Variants in TMCC1 observed in about 807,000 individuals in gnomAD.
The protein encoded by TMCC1 is transmembrane and coiled-coil domain family 1.
Under a neutral mutation model 52.4 loss-of-function variants are expected in TMCC1, and 15 were observed. The ratio of observed to expected loss-of-function variants is 0.29; its 90% CI spans 0.19 to 0.44. The LOEUF is 0.44. TMCC1 is among the 20% of genes least tolerant of loss of function. The pLI is 1.00. For missense variants in TMCC1, 503 were observed against 806.0 expected (o/e 0.62, Z 4.55); for synonymous variants, 279 against 301.9 (o/e 0.92, Z 0.79).
chr3:129,812,542 T>G (rs2057878871), intron 4 of TMCC1, among the ~76,000 whole-genome samples: 1 of 151,994 alleles, frequency 6.6e-6, no homozygotes, highest in South Asian at 2.1e-4. Flanking sequence ...GAAGAAGCTA[T>G]AAATTTATTG....
intron 4 of TMCC1, among the ~76,000 whole-genome samples, chr3:129,796,804 T>G (rs2056858778): frequency 6.6e-6 from 1 of 152,194 alleles, no homozygotes; most frequent in South Asian, 2.1e-4. Context: ...TGCTCCAGTC[T>G]GCGCAACAGA....
In TMCC1 at chr3:129,671,106, T is replaced by G. The variant is rs751389847; in HGVS notation, c.735A>C (p.Thr245=). The change falls in exon 5 of 7, where the codon ACA becomes ACC. Residue 245 remains threonine, a synonymous_variant. Transcript: ENST00000393238. ...AHLQQKILKL[T]EQIKIAQTAR... ...CTGTTTGTGCAATCTTGATTTGTTC[T>G]GTGAGCTTCAGGATCTTCTGCTGCA... 1 of 1,614,216 alleles carries G rather than the reference T, an allele frequency of 6.2e-7. No individual in the cohort carries two copies. The highest frequency in any genetic ancestry group is 2.2e-5 in the East Asian group (1 of 44,882).
At chr3:129,718,963 C>T (rs939046499) in intron 4 of TMCC1, among the ~76,000 whole-genome samples, 5 of 152,170 alleles carry the variant, frequency 3.3e-5, no homozygotes, top group African/African-American at 4.8e-5. Flanking sequence ...CCCTAATCCC[C>T]ACTTTGATCA....
intron 2 of TMCC1, among the ~76,000 whole-genome samples, chr3:129,866,245 T>C (rs989265191): frequency 6.9e-6 from 1 of 145,094 alleles, no homozygotes; most frequent in Admixed American, 7.1e-5. Context: ...CATACATACA[T>C]ATATATAATA....
chr3:129,834,397 A>C (rs1028788528), intron 2 of TMCC1, among the ~76,000 whole-genome samples: 1 of 152,210 alleles, frequency 6.6e-6, no homozygotes, highest in African/African-American at 2.4e-5. Context: ...AAATTGCATT[A>C]AACTGCACTT....
chr3:129,789,903 G>T (rs1560423980), intron 4 of TMCC1, among the ~76,000 whole-genome samples: 1 of 152,050 alleles, frequency 6.6e-6, no homozygotes, highest in Admixed American at 6.6e-5. Flanking sequence ...TTATAAGTCT[G>T]GATTAAATAA....
At chr3:129,667,260 A>C (rs1283421322) in intron 5 of TMCC1, among the ~76,000 whole-genome samples, 2 of 151,910 alleles carry the variant, frequency 1.3e-5, no homozygotes, top group Admixed American at 1.3e-4. Flanking sequence ...AATTTGTAGA[A>C]AAATTTTATT....
chr3:129,810,788 C>T (rs1162052692), intron 4 of TMCC1, among the ~76,000 whole-genome samples: 1 of 152,146 alleles, frequency 6.6e-6, no homozygotes, highest in Admixed American at 6.5e-5. Flanking sequence ...AAATTGTTTC[C>T]TTCAGGTGTT....
chr3:129,696,399 T>C (rs906297607), intron 4 of TMCC1, among the ~76,000 whole-genome samples: 27 of 152,226 alleles, frequency 1.8e-4, no homozygotes, highest in African/African-American at 5.8e-4. Context: ...ATGTATTTGA[T>C]TGATGTCTCA....
At chr3:129,684,188 A>G (rs531626953) in intron 4 of TMCC1, among the ~76,000 whole-genome samples, 2 of 152,322 alleles carry the variant, frequency 1.3e-5, no homozygotes, top group African/African-American at 2.4e-5. Flanking sequence ...GGTATCTGTA[A>G]CTCCTAAAAG....
intron 4 of TMCC1, among the ~76,000 whole-genome samples, chr3:129,774,039 C>T (rs1323585202): frequency 6.6e-6 from 1 of 152,156 alleles, no homozygotes; most frequent in Non-Finnish European, 1.5e-5. Flanking sequence ...ATTGGCACAA[C>T]ATAACAGTAA....
intron 2 of TMCC1, among the ~76,000 whole-genome samples, chr3:129,838,339 G>A (rs2059258407): frequency 6.6e-6 from 1 of 152,086 alleles, no homozygotes; most frequent in African/African-American, 2.4e-5. Context: ...GGCCCTGGAG[G>A]TCGAGGCTGC....
chr3:129,819,223 C>T (rs1274143169), intron 4 of TMCC1, among the ~76,000 whole-genome samples: 3 of 152,242 alleles, frequency 2.0e-5, no homozygotes, highest in East Asian at 1.9e-4. Flanking sequence ...GCTGGGATTA[C>T]AGGTGTGCAC....
intron 4 of TMCC1, among the ~76,000 whole-genome samples, chr3:129,684,716 AG>A (rs1242984224): frequency 6.6e-6 from 1 of 152,224 alleles, no homozygotes; most frequent in East Asian, 1.9e-4. Context: ...ATATGATAAA[AG>A]GGACGGATTC....
At chr3:129,718,912 A>T (rs1407628430) in intron 4 of TMCC1, among the ~76,000 whole-genome samples, 1 of 152,186 alleles carries the variant, frequency 6.6e-6, no homozygotes, top group Non-Finnish European at 1.5e-5. Flanking sequence ...GGGAGTCAGA[A>T]GTTATACACG....
At chr3:129,874,674 T>C (rs1022770050) in intron 2 of TMCC1, among the ~76,000 whole-genome samples, 1 of 152,022 alleles carries the variant, frequency 6.6e-6, no homozygotes, top group African/African-American at 2.4e-5. Flanking sequence ...CTGGGCAACA[T>C]AGCAAGACCC....
intron 4 of TMCC1, among the ~76,000 whole-genome samples, chr3:129,717,799 C>T (rs79074156): frequency 1.1e-4 from 16 of 152,264 alleles, no homozygotes; most frequent in Non-Finnish European, 2.2e-4. Context: ...GTCTGAGTTA[C>T]TAAAATGATT....
At chr3:129,819,971 C>T (rs1437514584) in intron 4 of TMCC1, 1 of 151,294 alleles carries the variant, frequency 6.6e-6, no homozygotes, top group Non-Finnish European at 1.5e-5. Flanking sequence ...CGTCAAGTTT[C>T]CCAGTGGAAC....
At chr3:129,657,182 T>A (rs1003155769) in intron 5 of TMCC1, among the ~76,000 whole-genome samples, 1 of 152,164 alleles carries the variant, frequency 6.6e-6, no homozygotes, top group Non-Finnish European at 1.5e-5. Flanking sequence ...CCAGCCTACA[T>A]CTTGATAAAA....
Sources: gnomAD v4.1 joint callset for allele counts (sites outside exome capture counted in the v4.1 genomes callset) on GRCh38, gnomAD v4.1.1 for gene constraint, MANE v1.5 for transcripts, NCBI Gene and HGNC (gene_info 2026-07-23, HGNC 2026-07-21) for gene names.